COL4A5: variants seen among roughly 807,000 people sequenced by gnomAD.
The protein encoded by COL4A5 is collagen type IV alpha 5 chain.
A neutral mutation model predicts 130.2 loss-of-function variants in COL4A5; 26 were observed. The observed-to-expected ratio is 0.20, with a 90% CI of 0.15 to 0.28. The LOEUF is 0.28. COL4A5 is among the 10% of genes least tolerant of loss of function. The pLI is 1.00. For synonymous variants in COL4A5, 496 were observed against 439.6 expected (o/e 1.13, Z -1.60); for missense variants, 1,131 against 1,344.3 (o/e 0.84, Z 2.48).
chrX:108,520,797 G>T (rs1397956247), intron 1 of COL4A5, among the ~76,000 whole-genome samples: 1 of 111,353 alleles, frequency 9.0e-6, no homozygotes, highest in Non-Finnish European at 1.9e-5. Context: ...CAGTCTGAAG[G>T]TATTTGTCTC....
chrX:108,549,690 C>T (rs2065720594), intron 2 of COL4A5, among the ~76,000 whole-genome samples: 1 of 109,685 alleles, frequency 9.1e-6, no homozygotes, highest in Non-Finnish European at 1.9e-5. Context: ...AAAGGACAAG[C>T]AAATTAAATT....
At chrX:108,531,764 G>C (rs374271294) in intron 1 of COL4A5, among the ~76,000 whole-genome samples, 10 of 111,192 alleles carry the variant, frequency 9.0e-5, no homozygotes, top group Non-Finnish European at 1.7e-4. Context: ...CACTACAATT[G>C]ATATCACAAA....
At chrX:108,520,036 G>A (rs1354516666) in intron 1 of COL4A5, among the ~76,000 whole-genome samples, 1 of 110,022 alleles carries the variant, frequency 9.1e-6, no homozygotes, top group Non-Finnish European at 1.9e-5. Flanking sequence ...TTCAATAATG[G>A]CTAGGCCCTA....
intron 30 of COL4A5, among the ~76,000 whole-genome samples, chrX:108,618,730 C>T (rs2066981607): frequency 9.2e-6 from 1 of 109,015 alleles, no homozygotes; most frequent in African/African-American, 3.3e-5. Context: ...TTTTCCCTAA[C>T]CTAATGAAAC....
chrX:108,456,029 G>T (rs778892936), intron 1 of COL4A5, among the ~76,000 whole-genome samples: 2 of 111,781 alleles, frequency 1.8e-5, no homozygotes, highest in African/African-American at 6.5e-5. Context: ...GATAGGAATT[G>T]TAACAATTGT....
chrX:108,580,883 A>G, intron 15 of COL4A5, 100 bp from the exon 16 acceptor site: 5 of 998,680 alleles, frequency 5.0e-6, no homozygotes, highest in Non-Finnish European at 7.1e-6. Context: ...TCTACTTAAT[A>G]TAGTCCAAGC....
At chrX:108,505,296 G>T (rs928450707) in intron 1 of COL4A5, among the ~76,000 whole-genome samples, 2 of 109,985 alleles carry the variant, frequency 1.8e-5, no homozygotes, top group Admixed American at 9.7e-5. Flanking sequence ...CATTATTTGG[G>T]TGTTGGAGTA....
intron 28 of COL4A5, among the ~76,000 whole-genome samples, chrX:108,604,330 G>A (rs1411677592): frequency 1.8e-5 from 2 of 112,355 alleles, no homozygotes; most frequent in Non-Finnish European, 3.8e-5. Context: ...AATGGGTATT[G>A]TGTTAGCAGC....
chrX:108,607,109 G>A (rs2066742511), intron 29 of COL4A5, among the ~76,000 whole-genome samples: 2 of 110,638 alleles, frequency 1.8e-5, no homozygotes, highest in African/African-American at 6.6e-5. Flanking sequence ...GCTCACTCCT[G>A]TAATCCCAGC....
intron 1 of COL4A5, among the ~76,000 whole-genome samples, chrX:108,460,991 T>C (rs755269139): frequency 7.5e-4 from 83 of 110,931 alleles, no homozygotes; most frequent in African/African-American, 2.6e-3. Flanking sequence ...AAAGACTTCT[T>C]TCTGTTATAG....
chrX:108,626,803 T>A, intron 36 of COL4A5: 1 of 785,470 alleles, frequency 1.3e-6, no homozygotes, highest in Non-Finnish European at 1.5e-6. Flanking sequence ...TCCCTCTACT[T>A]CTCTCTTCAA....
intron 2 of COL4A5, among the ~76,000 whole-genome samples, chrX:108,557,540 C>T (rs2065839845): frequency 9.0e-6 from 1 of 111,382 alleles, no homozygotes; most frequent in Non-Finnish European, 1.9e-5. Flanking sequence ...GGAAACTGAC[C>T]AGTAGTCTTT....
chrX:108,453,498 T>C (rs373051226), intron 1 of COL4A5, among the ~76,000 whole-genome samples: 15 of 111,949 alleles, frequency 1.3e-4, no homozygotes, highest in African/African-American at 4.5e-4. Context: ...TGTTAACATT[T>C]AATGGGTTTA....
At chrX:108,605,969 G>C (rs1341727798) in intron 28 of COL4A5, among the ~76,000 whole-genome samples, 1 of 111,736 alleles carries the variant, frequency 8.9e-6, no homozygotes, top group Non-Finnish European at 1.9e-5. Context: ...AAGCTTTCCT[G>C]AGTCAACCTT....
At chrX:108,686,271 T>C in intron 48 of COL4A5, 142 bp downstream of exon 48, 1 of 515,366 alleles carries the variant, frequency 1.9e-6, no homozygotes, top group Non-Finnish European at 3.5e-6. Flanking sequence ...CTGAGGAAAA[T>C]AGGAAAGCAC....
intron 37 of COL4A5, among the ~76,000 whole-genome samples, chrX:108,663,257 G>T (rs2068000332): frequency 9.0e-6 from 1 of 111,540 alleles, no homozygotes; most frequent in African/African-American, 3.3e-5. Context: ...TATAATCAGT[G>T]AGAAAAAAAG....
chrX:108,593,719 A>G (rs1194903979), intron 21 of COL4A5, among the ~76,000 whole-genome samples: 1 of 111,622 alleles, frequency 9.0e-6, no homozygotes, highest in Non-Finnish European at 1.9e-5. Context: ...TCACATGACC[A>G]TATGTGTGTA....
At chrX:108,681,107 C>T (rs2068418480) in intron 46 of COL4A5, 151 bp downstream of exon 46, 1 of 474,545 alleles carries the variant, frequency 2.1e-6, no homozygotes, top group Non-Finnish European at 3.6e-6. Context: ...ATTTACTAAT[C>T]TCTTAAATTC....
chrX:108,463,710 T>C (rs2064675717), intron 1 of COL4A5, among the ~76,000 whole-genome samples: 1 of 111,455 alleles, frequency 9.0e-6, no homozygotes, highest in Non-Finnish European at 1.9e-5. Context: ...ATATTCCACT[T>C]CTCCACATTG....
Sources: allele counts gnomAD v4.1 joint callset (sites outside exome capture counted in the v4.1 genomes callset), GRCh38; gene constraint gnomAD v4.1.1; transcripts MANE v1.5; gene names NCBI Gene and HGNC (gene_info 2026-07-23, HGNC 2026-07-21).